The following RFX3 variants were observed in gnomAD, a reference collection of about 807,000 sequenced individuals.
RFX3 encodes regulatory factor X3.
A neutral mutation model predicts 98.6 loss-of-function variants in RFX3; 14 were observed. The observed-to-expected ratio is 0.14, with a 90% CI of 0.09 to 0.22. The LOEUF (loss-of-function observed/expected upper bound fraction) is 0.22. Ranked by LOEUF, RFX3 falls within the 10% of genes least tolerant of loss-of-function variation. The probability of loss-of-function intolerance (pLI) is 1.00; values close to 1 mark genes in which losing one functional copy is unlikely to be tolerated. For synonymous variants in RFX3, 383 were observed against 328.4 expected (o/e 1.17, Z -1.80); for missense variants, 639 against 926.9 (o/e 0.69, Z 4.03).
At chr9:3,482,344 C>T (rs1376266405) in intron 1 of RFX3, among the ~76,000 whole-genome samples, 2 of 151,912 alleles carry the variant, frequency 1.3e-5, no homozygotes, top group African/African-American at 4.8e-5. Context: ...AGCACATATG[C>T]ACTCACGGAG....
intron 2 of RFX3, among the ~76,000 whole-genome samples, chr9:3,363,203 C>T (rs1453227479): frequency 1.3e-5 from 2 of 152,178 alleles, no homozygotes; most frequent in African/African-American, 4.8e-5. Context: ...AAGCTTACTG[C>T]AGTATTAGGA....
In RFX3 at chr9:3,400,900, GA is replaced by G. The variant is rs552570668; in HGVS notation, c.-8-5305del. ...TTGCCAAAAGCCACACAACTAGTAA[GA>G]GAAAAAGCCTGAATTCACTTGATGT... is the stretch of plus-strand genomic sequence containing the variant. On this transcript the variant is annotated intron_variant, in intron 1 of 16. Transcript: ENST00000617270. 5.0e-3 allele frequency among the ~76,000 whole-genome samples: 766 copies of G among 152,274 alleles called. 4 individuals carry two copies. The highest frequency in any genetic ancestry group is 0.017 in the African/African-American group (698 of 41,556).
At chr9:3,279,871 C>T (rs968263652) in intron 7 of RFX3, among the ~76,000 whole-genome samples, 2 of 151,646 alleles carry the variant, frequency 1.3e-5, no homozygotes, top group Non-Finnish European at 2.9e-5. Flanking sequence ...GTGGGAAACA[C>T]TAATTAGAGA....
chr9:3,374,936 A>G (rs1420855566), intron 2 of RFX3, among the ~76,000 whole-genome samples: 2 of 152,130 alleles, frequency 1.3e-5, no homozygotes, highest in Non-Finnish European at 2.9e-5. Context: ...AATTAGCATT[A>G]ACAACAGTTA....
intron 14 of RFX3, among the ~76,000 whole-genome samples, chr9:3,250,196 A>C (rs147046793): frequency 1.6e-4 from 24 of 152,148 alleles, no homozygotes; most frequent in African/African-American, 4.6e-4. Context: ...AAAATGTTAC[A>C]TAACGTTTTT....
chr9:3,332,796 T>A (rs1172003738), intron 3 of RFX3, among the ~76,000 whole-genome samples: 2 of 152,160 alleles, frequency 1.3e-5, no homozygotes, highest in African/African-American at 4.8e-5. Context: ...AAAGTGCCAT[T>A]TTCTCTTGCC....
At chr9:3,417,789 A>G (rs148305756) in intron 1 of RFX3, among the ~76,000 whole-genome samples, 4 of 152,292 alleles carry the variant, frequency 2.6e-5, no homozygotes, top group African/African-American at 9.6e-5. Context: ...AACAGGAAGA[A>G]TTCTAGAAAT....
chr9:3,341,693 C>T (rs924413973), intron 3 of RFX3, among the ~76,000 whole-genome samples: 1 of 152,168 alleles, frequency 6.6e-6, no homozygotes, highest in African/African-American at 2.4e-5. Flanking sequence ...AGAGAGAGAA[C>T]AGGGTGCCCT....
At chr9:3,472,485 T>C (rs1176856172) in intron 1 of RFX3, among the ~76,000 whole-genome samples, 1 of 152,166 alleles carries the variant, frequency 6.6e-6, no homozygotes, top group African/African-American at 2.4e-5. Context: ...ATTTTCAGTA[T>C]AATTTTTGTT....
chr9:3,344,729 G>A, intron 3 of RFX3: 1 of 593,298 alleles, frequency 1.7e-6, no homozygotes, highest in Non-Finnish European at 3.0e-6. Context: ...ACTGACAACT[G>A]GGTGACCTCT....
chr9:3,300,583 G>A (rs151133977), intron 5 of RFX3, among the ~76,000 whole-genome samples: 70 of 151,820 alleles, frequency 4.6e-4, no homozygotes, highest in African/African-American at 1.7e-3. Flanking sequence ...CCAATATCGA[G>A]CTTTTCAGTT....
chr9:3,500,694 G>A (rs1405493971), intron 1 of RFX3, among the ~76,000 whole-genome samples: 2 of 152,076 alleles, frequency 1.3e-5, no homozygotes, highest in South Asian at 2.1e-4. Context: ...TCCCAAATAA[G>A]AACAAATCAT....
intron 1 of RFX3, among the ~76,000 whole-genome samples, chr9:3,503,579 A>C (rs1257054016): frequency 6.6e-6 from 1 of 152,134 alleles, no homozygotes; most frequent in Non-Finnish European, 1.5e-5. Flanking sequence ...ACACTAGTAC[A>C]CAGAAAACCC....
chr9:3,227,457 C>G (rs1466398743), intron 16 of RFX3, among the ~76,000 whole-genome samples: 4 of 152,192 alleles, frequency 2.6e-5, no homozygotes, highest in African/African-American at 2.4e-5. Flanking sequence ...TCTATAAAAA[C>G]TCGAAGACAC....
chr9:3,501,691 G>C (rs1428582270), intron 1 of RFX3, among the ~76,000 whole-genome samples: 7 of 150,926 alleles, frequency 4.6e-5, no homozygotes, highest in Admixed American at 4.6e-4. Flanking sequence ...AGAGTAGCTG[G>C]GATTACAAGG....
Position 3,397,180 on chromosome 9 carries a change from A to T in RFX3, c.-8-1584T>A, listed in dbSNP as rs2131963990. ...CCTGCCATTGTTTACTCTAACAGGT[A>T]TGCTTTCTCCGGCTTCCTGGCCTTG... On this transcript the variant is annotated intron_variant, in intron 1 of 16. Coordinates refer to ENST00000617270, the MANE Select transcript of RFX3 (RefSeq NM_001282116.2). Among the ~76,000 whole-genome samples, 3 of 152,292 alleles carry T rather than the reference A, an allele frequency of 2.0e-5. No homozygotes were observed. The South Asian group carries it at 6.2e-4, about 32-fold the overall frequency.
At chr9:3,508,197 A>G (rs1817298375) in intron 1 of RFX3, among the ~76,000 whole-genome samples, 1 of 151,970 alleles carries the variant, frequency 6.6e-6, no homozygotes, top group Non-Finnish European at 1.5e-5. Context: ...ACCACGTTCC[A>G]TATTTGAGTT....
At chr9:3,262,438 T>C (rs1207819074) in intron 13 of RFX3, among the ~76,000 whole-genome samples, 3 of 152,338 alleles carry the variant, frequency 2.0e-5, no homozygotes, top group Non-Finnish European at 2.9e-5. Context: ...TAGGCAGCTA[T>C]AGTAAACTCT....
At chr9:3,268,204 A>AAATT (rs1823907783) in intron 11 of RFX3, among the ~76,000 whole-genome samples, 1 of 151,850 alleles carries the variant, frequency 6.6e-6, no homozygotes, top group South Asian at 2.1e-4. Context: ...AGCTGACATT[A>AAATT]AATTAGTGTG....
Sources: allele counts gnomAD v4.1 joint callset (sites outside exome capture counted in the v4.1 genomes callset), GRCh38; gene constraint gnomAD v4.1.1; transcripts MANE v1.5; gene names NCBI Gene and HGNC (gene_info 2026-07-23, HGNC 2026-07-21).